The following USP4 variants were observed in gnomAD, a reference collection of about 807,000 sequenced individuals.
USP4 encodes the protein ubiquitin specific peptidase 4.
Under a neutral mutation model 118.2 loss-of-function variants are expected in USP4, and 72 were observed. That is an observed-to-expected ratio of 0.61 (90% CI 0.50 to 0.74). USP4 has a LOEUF of 0.74. Among genes scored for constraint, USP4 ranks in the 30% least tolerant of loss-of-function variants. The pLI is 0.00. For missense variants in USP4, 1,037 were observed against 1,185.7 expected (o/e 0.87, Z 1.84); for synonymous variants, 415 against 440.4 (o/e 0.94, Z 0.72).
At chr3:49,318,388 C>G in intron 6 of USP4, 1 of 985,498 alleles carries the variant, frequency 1.0e-6, no homozygotes, top group East Asian at 1.1e-4. Flanking sequence ...TTCAGGGACA[C>G]CAATCTCTTC....
intron 8 of USP4, 118 bp from the exon 9 acceptor site, chr3:49,306,006 G>A: frequency 3.8e-6 from 4 of 1,047,876 alleles, no homozygotes; most frequent in African/African-American, 1.6e-5. Context: ...GCACTCAGGA[G>A]ATTCTCTGAA....
At chr3:49,324,835 T>A in intron 5 of USP4, 59 bp downstream of exon 5, 1 of 1,613,812 alleles carries the variant, frequency 6.2e-7, no homozygotes, top group South Asian at 1.1e-5. Flanking sequence ...AAGCAAAAAG[T>A]ATCTGGCCAC....
intron 10 of USP4, among the ~76,000 whole-genome samples, chr3:49,301,426 G>A (rs569504196): frequency 2.0e-5 from 3 of 152,064 alleles, no homozygotes; most frequent in African/African-American, 4.8e-5. Flanking sequence ...GGTGGCTGAC[G>A]CCTGAAATCC....
Position 49,327,669 on chromosome 3 carries a change from C to A in USP4, c.360+17G>T. The A allele has an allele frequency of 6.2e-7, 1 of 1,613,814 alleles. No individual in the cohort carries two copies. Among genetic ancestry groups the A allele is most frequent in the Non-Finnish European group, 8.5e-7 (1 of 1,179,816 alleles). On this transcript the variant is annotated intron_variant, in intron 3 of 21. Coordinates refer to ENST00000265560, the MANE Select transcript of USP4 (RefSeq NM_003363.4). ...TGCAGACAGTGACCAGCAGGTGGGA[C>A]AATTCACATAACTCACTTTTCTGAC...
chr3:49,302,671 T>C (rs992245674), intron 9 of USP4, 129 bp from the exon 10 acceptor site: 12 of 840,648 alleles, frequency 1.4e-5, no homozygotes, highest in Non-Finnish European at 2.1e-5. Context: ...GGTTGAGTAG[T>C]CCAATTAACT....
At chr3:49,318,390 A>G (rs1364773398) in intron 6 of USP4, 2 of 985,510 alleles carry the variant, frequency 2.0e-6, no homozygotes, top group Non-Finnish European at 2.4e-6. Context: ...CAGGGACACC[A>G]ATCTCTTCTG....
intron 1 of USP4, among the ~76,000 whole-genome samples, chr3:49,337,822 T>A (rs1038622627): frequency 6.7e-6 from 1 of 150,356 alleles, no homozygotes; most frequent in Non-Finnish European, 1.5e-5. Flanking sequence ...CTGAGTCAGG[T>A]GGATCACGAG....
At chr3:49,303,109 T>C (rs1222026616) in intron 9 of USP4, among the ~76,000 whole-genome samples, 2 of 152,032 alleles carry the variant, frequency 1.3e-5, no homozygotes, top group Non-Finnish European at 2.9e-5. Context: ...TCTAGCAGTC[T>C]GTGTTGTATT....
At chr3:49,302,867 A>C (rs945416300) in intron 9 of USP4, among the ~76,000 whole-genome samples, 2 of 152,172 alleles carry the variant, frequency 1.3e-5, no homozygotes, top group Non-Finnish European at 1.5e-5. Context: ...TTTGGTTCAG[A>C]GTCTTAAACT....
At chr3:49,278,979 TAAAC>T (rs2046989855) in intron 20 of USP4, 77 bp from the exon 21 acceptor site, 2 of 966,090 alleles carry the variant, frequency 2.1e-6, no homozygotes, top group Non-Finnish European at 3.0e-6. Flanking sequence ...TTGCACTAAA[TAAAC>T]ACAAAAATCC....
intron 11 of USP4, among the ~76,000 whole-genome samples, chr3:49,298,868 T>C (rs975125753): frequency 2.9e-4 from 44 of 152,334 alleles, no homozygotes; most frequent in African/African-American, 1.1e-3. Context: ...CTTCCAAACA[T>C]TGCTTCATTT....
chr3:49,295,017 C>T lies in USP4; in HGVS notation c.1692-419G>A, dbSNP rs771697353. On this transcript the variant is annotated intron_variant, in intron 13 of 21. Coordinates refer to ENST00000265560, the MANE Select transcript of USP4 (RefSeq NM_003363.4). ...AAAAATGTATTGAGTTGGCTGGGCG[C>T]GGTGGCTCACGCCTGTAATCCCAGC... is the stretch of plus-strand genomic sequence containing the variant. Among the ~76,000 whole-genome samples, 20 of 152,204 alleles carry T rather than the reference C, an allele frequency of 1.3e-4. No homozygotes were observed. In the South Asian group the frequency reaches 2.3e-3, roughly 17 times the overall value.
At position 49,278,192 on chromosome 3, in the gene USP4, T is replaced by A; in HGVS notation, c.*101A>T. 1.5e-6 allele frequency: 2 copies of A among 1,309,064 alleles called. No homozygotes were observed. Among genetic ancestry groups the A allele is most frequent in the Non-Finnish European group, 2.0e-6 (2 of 987,056 alleles). The allele number at this position is 1,309,064 out of a possible 1,614,324, so 81.1% of individuals were successfully genotyped here. On this transcript the variant is annotated 3_prime_UTR_variant, in exon 22 of 22. Coordinates refer to ENST00000265560, the MANE Select transcript of USP4 (RefSeq NM_003363.4). ...CTCATAAAAGAAGGGTATTTCCTTG[T>A]CTGGTTTTTAGACAGAACACTAGCA...
At chr3:49,290,714 CGTGTT>C (rs1360907754) in intron 15 of USP4, among the ~76,000 whole-genome samples, 6 of 152,144 alleles carry the variant, frequency 3.9e-5, no homozygotes, top group African/African-American at 1.4e-4. Context: ...AGGGTTTCAC[CGTGTT>C]GGCCAGGCTA....
At chr3:49,331,484 G>A (rs1249915725) in intron 2 of USP4, among the ~76,000 whole-genome samples, 1 of 152,036 alleles carries the variant, frequency 6.6e-6, no homozygotes, top group Non-Finnish European at 1.5e-5. Flanking sequence ...AGCCAGAACT[G>A]GTGGTGCATG....
chr3:49,320,483 G>A (rs2047487502), intron 6 of USP4, among the ~76,000 whole-genome samples: 1 of 152,078 alleles, frequency 6.6e-6, no homozygotes, highest in South Asian at 2.1e-4. Flanking sequence ...ATCTCACTCT[G>A]TCGTCCAGGC....
intron 9 of USP4, among the ~76,000 whole-genome samples, chr3:49,303,968 G>T (rs773210825): frequency 6.6e-6 from 1 of 152,090 alleles, no homozygotes; most frequent in South Asian, 2.1e-4. Flanking sequence ...GGCCAGGCTG[G>T]TCTTGAACTC....
At chr3:49,281,699 A>G (rs2047031140) in intron 19 of USP4, among the ~76,000 whole-genome samples, 3 of 140,306 alleles carry the variant, frequency 2.1e-5, no homozygotes, top group Admixed American at 7.3e-5. Flanking sequence ...GGGCAACAAG[A>G]GCGTAACTCC....
intron 8 of USP4, among the ~76,000 whole-genome samples, chr3:49,308,073 T>G (rs1295048778): frequency 2.0e-5 from 3 of 151,836 alleles, no homozygotes; most frequent in Non-Finnish European, 4.4e-5. Context: ...TTCTGGGAGG[T>G]AATCTATTTG....
Sources: allele counts gnomAD v4.1 joint callset (sites outside exome capture counted in the v4.1 genomes callset), GRCh38; gene constraint gnomAD v4.1.1; transcripts MANE v1.5; gene names NCBI Gene and HGNC (gene_info 2026-07-23, HGNC 2026-07-21).